MAEA: variants seen among roughly 807,000 people sequenced by gnomAD.
The protein encoded by MAEA is macrophage erythroblast attacher, E3 ubiquitin ligase.
A neutral mutation model predicts 46.2 loss-of-function variants in MAEA; 22 were observed. The observed-to-expected ratio is 0.48, with a 90% CI of 0.34 to 0.68. The LOEUF (loss-of-function observed/expected upper bound fraction) is 0.68, where lower values mean the gene tolerates loss of function less well. MAEA is among the 30% of genes least tolerant of loss of function. The pLI is 0.01. For synonymous variants in MAEA, 246 were observed against 222.6 expected (o/e 1.11, Z -0.94); for missense variants, 393 against 558.1 (o/e 0.70, Z 2.98).
chr4:1,339,038 C>A, intron 8 of MAEA, 36 bp from the exon 9 acceptor site: 1 of 1,485,776 alleles, frequency 6.7e-7, no homozygotes, highest in Non-Finnish European at 9.4e-7. Context: ...ACGTTGTAGT[C>A]GCTTGCCTTA....
In MAEA at chr4:1,311,671, C is replaced by T. The variant is rs1167396183; in HGVS notation, c.70-308C>T. Reference sequence around the variant, plus strand: ...GCCTCACACCCCGGTCACTCCTCTCCTGTTTGGAAATTTCTTTAACTGTTC... The same window carrying T: ...GCCTCACACCCCGGTCACTCCTCTCTTGTTTGGAAATTTCTTTAACTGTTC... On this transcript the variant is annotated intron_variant, in intron 1 of 8. Coordinates refer to ENST00000303400, the MANE Select transcript of MAEA (RefSeq NM_001017405.3). The surrounding 1 kb of genome is among the most constrained non-coding windows in gnomAD (Gnocchi z 4.4). Among the ~76,000 whole-genome samples, 1 of 152,174 alleles carries T rather than the reference C, an allele frequency of 6.6e-6. No individual in the cohort carries two copies. The highest frequency in any genetic ancestry group is 1.9e-4 in the East Asian group (1 of 5,188).
chr4:1,325,111 G>A (rs923755039), intron 4 of MAEA, among the ~76,000 whole-genome samples: 4 of 152,172 alleles, frequency 2.6e-5, no homozygotes, highest in Non-Finnish European at 4.4e-5. Context: ...ACATGTGCAC[G>A]CACGCCAGGG....
rs1736501014 is a variant in MAEA, at chr4:1,311,496, T to C, written c.70-483T>C. 6.6e-6 allele frequency among the ~76,000 whole-genome samples: 1 copy of C among 152,186 alleles called. No individual in the cohort carries two copies. Among genetic ancestry groups the C allele is most frequent in the Non-Finnish European group, 1.5e-5 (1 of 68,024 alleles). ...TCGTGCACTTGTGGCTTCCCGTGCG[T>C]GTGTGAGGCTTGCTGTGCCCAACCC... On this transcript the variant is annotated intron_variant, in intron 1 of 8. Coordinates refer to ENST00000303400, the MANE Select transcript of MAEA (RefSeq NM_001017405.3). The surrounding 1 kb of genome is among the most constrained non-coding windows in gnomAD (Gnocchi z 4.4).
intron 3 of MAEA, among the ~76,000 whole-genome samples, chr4:1,317,583 G>T (rs955932696): frequency 6.6e-6 from 1 of 152,070 alleles, no homozygotes; most frequent in Non-Finnish European, 1.5e-5. Context: ...CCTCCAGGAG[G>T]GGAGTGGCGA....
At chr4:1,304,972 T>G (rs774188357) in intron 1 of MAEA, among the ~76,000 whole-genome samples, 1 of 152,182 alleles carries the variant, frequency 6.6e-6, no homozygotes, top group Non-Finnish European at 1.5e-5. Context: ...TTTATCTGCT[T>G]CGGTTTCTCA....
chr4:1,316,937 GCCCCACAC>G (rs1737268256), intron 3 of MAEA, among the ~76,000 whole-genome samples: 2 of 110,148 alleles, frequency 1.8e-5, no homozygotes, highest in Non-Finnish European at 3.7e-5. Flanking sequence ...GGCCCACCCG[GCCCCACAC>G]TCCAGACTCA....
Position 1,305,786 on chromosome 4 carries a change from T to C in MAEA, c.70-6193T>C, listed in dbSNP as rs149938940. Reference sequence around the variant, plus strand: ...GCGCACGCGTGCGTGTAAGGAGCTGTGTCACAAAGAATTGGCTGGTGCAGT... The same window carrying C: ...GCGCACGCGTGCGTGTAAGGAGCTGCGTCACAAAGAATTGGCTGGTGCAGT... On this transcript the variant is annotated intron_variant, in intron 1 of 8. Coordinates refer to ENST00000303400, the MANE Select transcript of MAEA (RefSeq NM_001017405.3). 3.9e-3 allele frequency among the ~76,000 whole-genome samples: 599 copies of C among 152,238 alleles called. 6 individuals carry two copies. Among genetic ancestry groups the C allele is most frequent in the African/African-American group, 0.014 (570 of 41,552 alleles).
intron 4 of MAEA, among the ~76,000 whole-genome samples, chr4:1,323,300 C>T (rs1738386790): frequency 6.6e-6 from 1 of 152,112 alleles, no homozygotes; most frequent in African/African-American, 2.4e-5. Context: ...TCCTAAAGGA[C>T]AAAATTTAAA....
chr4:1,292,862 G>A (rs1734234303), intron 1 of MAEA, among the ~76,000 whole-genome samples: 2 of 151,774 alleles, frequency 1.3e-5, no homozygotes, highest in Admixed American at 6.6e-5. Context: ...TTGTGGGGGA[G>A]GGGAAAGATG....
chr4:1,338,899 G>A, intron 8 of MAEA, 175 bp from the exon 9 acceptor site: 2 of 673,588 alleles, frequency 3.0e-6, no homozygotes, highest in South Asian at 3.6e-5. Context: ...GGATGAAGGG[G>A]TGGGAAGGAC....
At chr4:1,315,761 C>T (rs1398401611) in intron 3 of MAEA, among the ~76,000 whole-genome samples, 161 bp downstream of exon 3, 1 of 111,762 alleles carries the variant, frequency 8.9e-6, no homozygotes, top group East Asian at 3.4e-4. Context: ...CCCCCGTGTG[C>T]GTGTGTCCCC....
chr4:1,326,831 C>T lies in MAEA; in HGVS notation c.580-796C>T, dbSNP rs535108185. 6.6e-5 allele frequency among the ~76,000 whole-genome samples: 10 copies of T among 152,358 alleles called. No homozygotes were observed. In the East Asian group the frequency reaches 1.2e-3, roughly 18 times the overall value. ...CTCGGCACCGGCCCCGGCTTCTGCC[C>T]GCCATGTTCTCGCCAGGTGTCTGTG... On this transcript the variant is annotated intron_variant, in intron 4 of 8. Coordinates refer to ENST00000303400, the MANE Select transcript of MAEA (RefSeq NM_001017405.3).
chr4:1,315,294 T>G, intron 2 of MAEA, 103 bp from the exon 3 acceptor site: 1 of 1,118,924 alleles, frequency 8.9e-7, no homozygotes, highest in Non-Finnish European at 1.3e-6. Context: ...TAATCCCTGC[T>G]TTTCTCCTTG....
chr4:1,311,203 G>C lies in MAEA; in HGVS notation c.70-776G>C, dbSNP rs754378257. On this transcript the variant is annotated intron_variant, in intron 1 of 8. Coordinates refer to ENST00000303400, the MANE Select transcript of MAEA (RefSeq NM_001017405.3). This position sits in a 1 kb window ranked among gnomAD's most constrained non-coding sequence, Gnocchi z 4.4. The stretch of plus-strand genomic sequence containing the variant: ...CTGATGCGCTGTGTGGTGAGCTGCC[G>C]GCCACCAGTGCAGCCAGGACCGCAG... 6.6e-6 allele frequency among the ~76,000 whole-genome samples: 1 copy of C among 152,208 alleles called. No individual in the cohort carries two copies. Among genetic ancestry groups the C allele is most frequent in the Non-Finnish European group, 1.5e-5 (1 of 68,032 alleles).
intron 1 of MAEA, among the ~76,000 whole-genome samples, chr4:1,306,111 C>T (rs1735803155): frequency 6.6e-6 from 1 of 152,242 alleles, no homozygotes; most frequent in Non-Finnish European, 1.5e-5. Context: ...TCAGTTTACC[C>T]ATTCAGATAT....
intron 5 of MAEA, chr4:1,329,506 C>T (rs753323461): frequency 1.5e-4 from 152 of 985,212 alleles, no homozygotes; most frequent in Non-Finnish European, 1.7e-4. Flanking sequence ...CGTGCTGCCT[C>T]GAAGCCTCAG....
intron 6 of MAEA, among the ~76,000 whole-genome samples, chr4:1,333,471 G>C (rs1048035164): frequency 1.3e-5 from 2 of 152,140 alleles, no homozygotes; most frequent in Non-Finnish European, 2.9e-5. Flanking sequence ...GAGTTAGGCT[G>C]CACCGTCTTC....
At chr4:1,292,362 A>C (rs1419166803) in intron 1 of MAEA, among the ~76,000 whole-genome samples, 1 of 152,188 alleles carries the variant, frequency 6.6e-6, no homozygotes, top group Admixed American at 6.5e-5. Flanking sequence ...TCACAGCGTC[A>C]GGGCGGCTGG....
At chr4:1,332,911 C>T (rs776454559) in intron 6 of MAEA, 46 bp downstream of exon 6, 6 of 1,463,426 alleles carry the variant, frequency 4.1e-6, no homozygotes, top group East Asian at 2.4e-5. Flanking sequence ...GGGTGGGGAT[C>T]CAGGGTGTGT....
Sources: gnomAD v4.1 joint callset for allele counts (sites outside exome capture counted in the v4.1 genomes callset) on GRCh38, gnomAD v4.1.1 for gene constraint, Gnocchi (gnomAD v3.1) non-coding constraint, MANE v1.5 for transcripts, NCBI Gene and HGNC (gene_info 2026-07-23, HGNC 2026-07-21) for gene names.